The following MYO16 variants were observed in gnomAD, a reference collection of about 807,000 sequenced individuals.
MYO16 encodes the protein myosin XVI.
MYO16 carries 94 observed loss-of-function variants against 205.3 expected under a neutral mutation model. That is an observed-to-expected ratio of 0.46 (90% CI 0.39 to 0.54). MYO16 has a LOEUF of 0.54. Ranked by LOEUF, MYO16 falls within the 20% of genes least tolerant of loss-of-function variation. The pLI is 0.00. For missense variants in MYO16, 2,315 were observed against 2,387.5 expected, an observed-to-expected ratio of 0.97 and a Z score of 0.63; for synonymous variants, 988 against 954.0, an observed-to-expected ratio of 1.04 and a Z score of -0.66.
Position 109,127,730 on chromosome 13 carries a change from G to A in MYO16, c.4051+180G>A. ...AAATAATATTTATTCAAATCTCTAA[G>A]CCTCTTAGGGAAAAGCTACTTACAT... On this transcript the variant is annotated intron_variant, in intron 31 of 34. Transcript: ENST00000457511. The surrounding 1 kb of genome is among the most constrained non-coding windows in gnomAD (Gnocchi z 4.2). 1.6e-6 allele frequency: 1 copy of A among 626,690 alleles called. No homozygotes were observed. The highest frequency in any genetic ancestry group is 2.6e-6 in the Non-Finnish European group (1 of 388,610). The allele number at this position is 626,690 out of a possible 1,614,324, so 38.8% of individuals were successfully genotyped here. A position where few individuals can be genotyped will look rare whatever the true frequency, so the allele number is the denominator to read the frequency against.
chr13:108,603,905 A>G (rs764166128), intron 1 of MYO16, among the ~76,000 whole-genome samples: 21 of 152,192 alleles, frequency 1.4e-4, no homozygotes, highest in Admixed American at 7.2e-4. Context: ...TTAGTCTGCT[A>G]TTACACTGCT....
At chr13:108,570,719 G>A in the MYO16 span, among the ~76,000 whole-genome samples, 1 of 152,186 alleles carries the variant, frequency 6.6e-6, no homozygotes, top group Non-Finnish European at 1.5e-5. Flanking sequence ...AGTAATTCAG[G>A]AAGTCTTTTT....
At chr13:108,679,179 C>T (rs1351367715) in intron 2 of MYO16, among the ~76,000 whole-genome samples, 1 of 152,170 alleles carries the variant, frequency 6.6e-6, no homozygotes, top group East Asian at 1.9e-4. Context: ...TTTGTACTTG[C>T]TGACCCAGAT....
chr13:108,868,854 A>G (rs1185015362), intron 12 of MYO16, among the ~76,000 whole-genome samples: 1 of 149,774 alleles, frequency 6.7e-6, no homozygotes, highest in Admixed American at 6.7e-5. Flanking sequence ...CGGGTGGCAG[A>G]GGTTGCAGTG....
At chr13:108,988,716 C>T (rs1451025330) in intron 20 of MYO16, among the ~76,000 whole-genome samples, 2 of 152,154 alleles carry the variant, frequency 1.3e-5, no homozygotes, top group Admixed American at 6.6e-5. Flanking sequence ...CTCTGCTGCT[C>T]TTTTCCCTAA....
At chr13:108,714,322 T>A (rs1439509445) in intron 3 of MYO16, among the ~76,000 whole-genome samples, 1 of 152,220 alleles carries the variant, frequency 6.6e-6, no homozygotes, top group Non-Finnish European at 1.5e-5. Flanking sequence ...CCCGAAGTGC[T>A]GGGATTACAG....
At chr13:108,922,553 C>T (rs981520385) in intron 16 of MYO16, among the ~76,000 whole-genome samples, 9 of 152,162 alleles carry the variant, frequency 5.9e-5, no homozygotes, top group Non-Finnish European at 8.8e-5. Flanking sequence ...GTCTAAAATC[C>T]GGTGCTTATG....
chr13:108,719,581 G>A (rs1884081706), intron 3 of MYO16, among the ~76,000 whole-genome samples: 2 of 152,076 alleles, frequency 1.3e-5, no homozygotes, highest in Non-Finnish European at 2.9e-5. Flanking sequence ...CTCTGGCTTA[G>A]CACAGCACTG....
At chr13:109,093,727 C>G (rs1478152159) in intron 27 of MYO16, among the ~76,000 whole-genome samples, 1 of 152,062 alleles carries the variant, frequency 6.6e-6, no homozygotes, top group African/African-American at 2.4e-5. Flanking sequence ...TGTAGAGAGC[C>G]CAGCACGTTT....
rs1173464333 is a variant in MYO16 at position 108,896,057 on chromosome 13, T to G, written c.1660-1959T>G. On this transcript the variant is annotated intron_variant, in intron 14 of 34. Transcript: ENST00000457511. ...GTTGGGGTGTGGGGGTAGCTCCTTC[T>G]CACTCCCAGGCACATGCATTTAACC... Among the ~76,000 whole-genome samples, 19 of 152,140 alleles carry G rather than the reference T, an allele frequency of 1.2e-4. No homozygotes were observed. In the South Asian group the frequency reaches 2.1e-3, roughly 17 times the overall value.
chr13:108,963,456 C>T (rs1429845385), intron 19 of MYO16, among the ~76,000 whole-genome samples: 1 of 152,196 alleles, frequency 6.6e-6, no homozygotes, highest in African/African-American at 2.4e-5. Flanking sequence ...CCCATTCCTA[C>T]TGCCTTCCCT....
At chr13:109,164,348 A>C (rs1227795917) in intron 32 of MYO16, among the ~76,000 whole-genome samples, 4 of 152,092 alleles carry the variant, frequency 2.6e-5, no homozygotes, top group African/African-American at 9.7e-5. Flanking sequence ...TCGTGTTCGT[A>C]CCTCTCAAAA....
Position 108,964,019 on chromosome 13 carries a change from TG to T in MYO16, c.2228-740del, listed in dbSNP as rs531119823. On this transcript the variant is annotated intron_variant, in intron 19 of 34. Coordinates refer to ENST00000457511, the MANE Select transcript of MYO16 (RefSeq NM_001198950.3). ...TTCCTCACCCGTGCTTCTAACAGAT[TG>T]GAAACACCTCAACCCGCATTGCACG... 6.2e-3 allele frequency among the ~76,000 whole-genome samples: 940 copies of T among 152,348 alleles called. 4 individuals carry two copies. Among genetic ancestry groups the T allele is most frequent in the African/African-American group, 0.021 (885 of 41,578 alleles).
chr13:108,617,723 C>T (rs911971765), intron 1 of MYO16, among the ~76,000 whole-genome samples: 15 of 152,154 alleles, frequency 9.9e-5, no homozygotes, highest in Admixed American at 3.3e-4. Flanking sequence ...TACCAGCAAA[C>T]GCTGTGCATA....
At chr13:108,763,476 G>GTGA (rs1885676202) in intron 4 of MYO16, among the ~76,000 whole-genome samples, 1 of 152,176 alleles carries the variant, frequency 6.6e-6, no homozygotes, top group South Asian at 2.1e-4. Context: ...GAAAGTGATT[G>GTGA]TGGTGTTCAG....
At chr13:108,899,240 A>G (rs561352408) in intron 15 of MYO16, among the ~76,000 whole-genome samples, 7 of 152,096 alleles carry the variant, frequency 4.6e-5, no homozygotes, top group Non-Finnish European at 1.0e-4. Flanking sequence ...CCTGACTAAC[A>G]TGGAGAAACC....
At chr13:108,856,049 T>TCTC (rs1878155009) in intron 11 of MYO16, among the ~76,000 whole-genome samples, 1 of 152,236 alleles carries the variant, frequency 6.6e-6, no homozygotes, top group Non-Finnish European at 1.5e-5. Flanking sequence ...TATACACAGA[T>TCTC]TCCTGATAGT....
chr13:108,652,718 C>T (rs1464189417), intron 1 of MYO16, among the ~76,000 whole-genome samples: 1 of 152,154 alleles, frequency 6.6e-6, no homozygotes, highest in African/African-American at 2.4e-5. Flanking sequence ...CATGTTGTGG[C>T]ATGTACAAGA....
chr13:108,675,223 C>T (rs1284341985), intron 2 of MYO16, among the ~76,000 whole-genome samples: 2 of 152,152 alleles, frequency 1.3e-5, no homozygotes, highest in African/African-American at 4.8e-5. Flanking sequence ...ACATACATAC[C>T]TACATCAGAG....
Sources: allele counts gnomAD v4.1 joint callset (sites outside exome capture counted in the v4.1 genomes callset), GRCh38; gene constraint gnomAD v4.1.1; non-coding constraint Gnocchi (gnomAD v3.1); transcripts MANE v1.5; gene names NCBI Gene and HGNC (gene_info 2026-07-23, HGNC 2026-07-21).